ATP8B4: variants seen among roughly 807,000 people sequenced by gnomAD.
ATP8B4 encodes the protein probable phospholipid-transporting ATPase IM.
A neutral mutation model predicts 145.6 loss-of-function variants in ATP8B4; 133 were observed. The observed-to-expected ratio is 0.91, with a 90% confidence interval of 0.79 to 1.05. The LOEUF (loss-of-function observed/expected upper bound fraction) is 1.05, where lower values mean the gene tolerates loss of function less well. Among genes scored for constraint, ATP8B4 ranks in the 50% least tolerant of loss-of-function variants. The pLI is 0.00. For synonymous variants in ATP8B4, 507 were observed against 492.9 expected (o/e 1.03, Z -0.38); for missense variants, 1,458 against 1,425.2 (o/e 1.02, Z -0.37).
intron 1 of ATP8B4, among the ~76,000 whole-genome samples, chr15:50,176,543 A>T (rs1397259998): frequency 6.6e-6 from 1 of 152,140 alleles, no homozygotes; most frequent in South Asian, 2.1e-4. Flanking sequence ...AAATTAAATT[A>T]AAAAATAAAA....
At chr15:49,984,216 T>G in intron 10 of ATP8B4, among the ~76,000 whole-genome samples, 1 of 152,186 alleles carries the variant, frequency 6.6e-6, no homozygotes, top group East Asian at 1.9e-4. Context: ...CTAGTAAGTG[T>G]CAGAGCGAGA....
intron 1 of ATP8B4, among the ~76,000 whole-genome samples, chr15:50,140,441 T>C (rs1268554266): frequency 6.6e-6 from 1 of 152,232 alleles, no homozygotes; most frequent in Non-Finnish European, 1.5e-5. Context: ...TACCCAGCAC[T>C]GGGTTGGATC....
In ATP8B4 at chr15:50,114,103, C is replaced by CTTTTTTTTTTTTTTTTTTTTTTTTTTTTT. The variant is rs755159123; in HGVS notation, c.-43+5019_-43+5020insAAAAAAAAAAAAAAAAAAAAAAAAAAAAA. Reference sequence around the variant, plus strand: ...ATTTTCCTTCTTGGTCTCCTAGTTTCTTTTTTTTTTTTTTTTTTTTTTTTT... The same window carrying CTTTTTTTTTTTTTTTTTTTTTTTTTTTTT: ...ATTTTCCTTCTTGGTCTCCTAGTTTCTTTTTTTTTTTTTTTTTTTTTTTTTTTTTTTTTTTTTTTTTTTTTTTTTTTTTT... On this transcript the variant is annotated intron_variant, in intron 1 of 27. Coordinates refer to ENST00000284509, the MANE Select transcript of ATP8B4 (RefSeq NM_024837.4). Among the ~76,000 whole-genome samples, 5 of 55,644 alleles carry CTTTTTTTTTTTTTTTTTTTTTTTTTTTTT rather than the reference C, an allele frequency of 9.0e-5. 1 individual carries two copies. Among genetic ancestry groups the CTTTTTTTTTTTTTTTTTTTTTTTTTTTTT allele is most frequent in the African/African-American group, 1.3e-4 (2 of 14,908 alleles). The allele number at this position is 55,644 out of a possible 152,430, so 36.5% of individuals were successfully genotyped here.
intron 2 of ATP8B4, among the ~76,000 whole-genome samples, chr15:50,078,631 G>C (rs138277703): frequency 3.1e-4 from 47 of 152,104 alleles, no homozygotes; most frequent in Non-Finnish European, 5.6e-4. Context: ...CCCTGCTCCA[G>C]AGTAAGATGT....
chr15:49,965,708 G>A (rs925107959), intron 13 of ATP8B4, among the ~76,000 whole-genome samples: 2 of 152,128 alleles, frequency 1.3e-5, no homozygotes, highest in African/African-American at 4.8e-5. Flanking sequence ...AGAGCTGATA[G>A]GAATCAAGTA....
chr15:50,022,302 A>T (rs1315006925), intron 6 of ATP8B4, among the ~76,000 whole-genome samples: 1 of 152,134 alleles, frequency 6.6e-6, no homozygotes, highest in Non-Finnish European at 1.5e-5. Context: ...TGGCCTAAGT[A>T]CCCCTTCTTT....
At chr15:49,937,027 G>A (rs1385645753) in intron 14 of ATP8B4, among the ~76,000 whole-genome samples, 1 of 151,916 alleles carries the variant, frequency 6.6e-6, no homozygotes, top group African/African-American at 2.4e-5. Context: ...TCTCTGTGCT[G>A]ATGTTCGAGT....
At chr15:49,864,449 C>T (rs2032426316) in intron 26 of ATP8B4, among the ~76,000 whole-genome samples, 1 of 152,200 alleles carries the variant, frequency 6.6e-6, no homozygotes, top group African/African-American at 2.4e-5. Context: ...CACTGCGCAT[C>T]TCTCTTTTCC....
intron 5 of ATP8B4, among the ~76,000 whole-genome samples, chr15:50,042,939 C>T (rs2051416691): frequency 6.6e-6 from 1 of 152,144 alleles, no homozygotes; most frequent in South Asian, 2.1e-4. Context: ...TAATAGATGG[C>T]CTAACCATAA....
chr15:49,873,568 C>T (rs886813690), intron 25 of ATP8B4, among the ~76,000 whole-genome samples: 1 of 151,662 alleles, frequency 6.6e-6, no homozygotes, highest in African/African-American at 2.4e-5. Flanking sequence ...TTCATGCTAA[C>T]CCTGATTTGT....
chr15:49,963,353 G>A (rs1331536669), intron 13 of ATP8B4, among the ~76,000 whole-genome samples: 1 of 152,156 alleles, frequency 6.6e-6, no homozygotes, highest in Non-Finnish European at 1.5e-5. Flanking sequence ...AGACAGTGTG[G>A]CGATTCCTCA....
intron 23 of ATP8B4, among the ~76,000 whole-genome samples, chr15:49,886,443 C>T (rs1339987463): frequency 6.6e-6 from 1 of 152,056 alleles, no homozygotes; most frequent in Non-Finnish European, 1.5e-5. Context: ...ATCCAAGCTT[C>T]AAGAGATGTG....
chr15:49,990,548 C>A (rs1207169982), intron 9 of ATP8B4, among the ~76,000 whole-genome samples: 3 of 152,044 alleles, frequency 2.0e-5, no homozygotes, highest in East Asian at 1.9e-4. Flanking sequence ...ATGCTCTAGA[C>A]CCATACTGAA....
intron 9 of ATP8B4, among the ~76,000 whole-genome samples, chr15:49,994,497 C>A (rs1389067084): frequency 6.6e-6 from 1 of 151,962 alleles, no homozygotes; most frequent in Non-Finnish European, 1.5e-5. Context: ...AGAAGCTTGG[C>A]GTACATCAGT....
intron 6 of ATP8B4, among the ~76,000 whole-genome samples, chr15:50,014,582 C>T (rs1479718369): frequency 6.6e-6 from 1 of 152,046 alleles, no homozygotes; most frequent in Non-Finnish European, 1.5e-5. Flanking sequence ...ATAAATAACA[C>T]CTCAATTAAA....
intron 10 of ATP8B4, 94 bp from the exon 11 acceptor site, chr15:49,981,388 T>C: frequency 3.1e-6 from 3 of 963,560 alleles, no homozygotes; most frequent in Admixed American, 2.7e-5. Context: ...GAAAAAAATA[T>C]ATATTTTTCA....
intron 27 of ATP8B4, 36 bp from the exon 28 acceptor site, chr15:49,860,511 C>A (rs772658443): frequency 6.4e-7 from 1 of 1,558,498 alleles, no homozygotes; most frequent in Non-Finnish European, 8.6e-7. Flanking sequence ...GATGATGCAT[C>A]CAAATGATAG....
At chr15:49,907,685 T>C (rs2038771293) in intron 20 of ATP8B4, among the ~76,000 whole-genome samples, 1 of 152,200 alleles carries the variant, frequency 6.6e-6, no homozygotes, top group Non-Finnish European at 1.5e-5. Context: ...ATTTTACAAA[T>C]AAGGAAACCA....
chr15:50,047,863 C>A (rs571695912), intron 3 of ATP8B4, among the ~76,000 whole-genome samples: 2 of 152,192 alleles, frequency 1.3e-5, no homozygotes, highest in South Asian at 2.1e-4. Context: ...CTTTTAGATA[C>A]CTCCGACAAG....
Sources: gnomAD v4.1 joint callset for allele counts (sites outside exome capture counted in the v4.1 genomes callset) on GRCh38, gnomAD v4.1.1 for gene constraint, MANE v1.5 for transcripts, NCBI Gene and HGNC (gene_info 2026-07-23, HGNC 2026-07-21) for gene names.